Variants in FNDC3B observed in about 807,000 individuals in gnomAD.
FNDC3B encodes fibronectin type III domain containing 3B.
A neutral mutation model predicts 151.5 loss-of-function variants in FNDC3B; 12 were observed. That is an observed-to-expected ratio of 0.08 (90% CI 0.05 to 0.13). The LOEUF (loss-of-function observed/expected upper bound fraction) is 0.13, where lower values mean the gene tolerates loss of function less well. Among genes scored for constraint, FNDC3B ranks in the 10% least tolerant of loss-of-function variants. The pLI, the probability that FNDC3B is intolerant of heterozygous loss-of-function variation, is 1.00. For missense variants in FNDC3B, 1,214 were observed against 1,505.3 expected (o/e 0.81, Z 3.20); for synonymous variants, 528 against 549.0 (o/e 0.96, Z 0.54).
chr3:172,142,220 C>G lies in FNDC3B; in HGVS notation c.187+8674C>G, dbSNP rs531514197. 7.0e-4 allele frequency among the ~76,000 whole-genome samples: 106 copies of G among 152,076 alleles called. 1 individual carries two copies. The highest frequency in any genetic ancestry group is 2.5e-3 in the African/African-American group (102 of 41,482). ...TTATTATGGGTGGGCATTGACCCCC[C>G]CTTCATTTTTTGTTAGCTAATCATT... On this transcript the variant is annotated intron_variant, in intron 3 of 25. Coordinates refer to ENST00000415807, the MANE Select transcript of FNDC3B (RefSeq NM_022763.4).
At chr3:172,115,706 C>T (rs1000098210) in intron 2 of FNDC3B, among the ~76,000 whole-genome samples, 2 of 152,124 alleles carry the variant, frequency 1.3e-5, no homozygotes, top group Admixed American at 6.6e-5. Context: ...CGGTGGCATC[C>T]TAAGGTATGT....
At chr3:172,393,410 A>G (rs1736120727) in intron 25 of FNDC3B, among the ~76,000 whole-genome samples, 1 of 152,214 alleles carries the variant, frequency 6.6e-6, no homozygotes, top group Non-Finnish European at 1.5e-5. Context: ...ATAAATTGCA[A>G]TACAATAATA....
intron 4 of FNDC3B, among the ~76,000 whole-genome samples, chr3:172,240,801 T>C (rs758958093): frequency 1.3e-5 from 2 of 152,212 alleles, no homozygotes; most frequent in African/African-American, 4.8e-5. Flanking sequence ...CCTGTGCTGC[T>C]CCTGGGAACC....
intron 11 of FNDC3B, among the ~76,000 whole-genome samples, chr3:172,314,979 T>C (rs746384363): frequency 1.3e-5 from 2 of 152,270 alleles, no homozygotes; most frequent in Non-Finnish European, 2.9e-5. Context: ...ATACTAGGGT[T>C]AACTGCCTGT....
chr3:172,240,330 G>A (rs1291375956), intron 4 of FNDC3B, among the ~76,000 whole-genome samples: 1 of 152,120 alleles, frequency 6.6e-6, no homozygotes, highest in Non-Finnish European at 1.5e-5. Context: ...TAGTGGAGTG[G>A]TAACATTAAT....
At chr3:172,075,724 AAC>A (rs57920659) in intron 1 of FNDC3B, among the ~76,000 whole-genome samples, 8,961 of 146,774 alleles carry the variant, frequency 0.061, 437 homozygotes, top group African/African-American at 0.14. Flanking sequence ...TAGCCCAGTA[AAC>A]ACACACACAC....
At chr3:172,395,714 A>C (rs776940106) in intron 25 of FNDC3B, among the ~76,000 whole-genome samples, 78 of 152,348 alleles carry the variant, frequency 5.1e-4, no homozygotes, top group Non-Finnish European at 1.1e-3. Context: ...AGATCACATA[A>C]CAAGGCCCTG....
intron 3 of FNDC3B, among the ~76,000 whole-genome samples, chr3:172,207,708 G>A (rs1725505061): frequency 6.6e-6 from 1 of 152,196 alleles, no homozygotes; most frequent in African/African-American, 2.4e-5. Context: ...AGCACTTTGG[G>A]AGGCCTAGGT....
intron 3 of FNDC3B, among the ~76,000 whole-genome samples, chr3:172,153,413 T>A (rs1251929969): frequency 6.6e-6 from 1 of 152,196 alleles, no homozygotes; most frequent in African/African-American, 2.4e-5. Flanking sequence ...CTGTCCTGCA[T>A]GTGCTGCACG....
intron 2 of FNDC3B, among the ~76,000 whole-genome samples, chr3:172,112,856 C>T (rs1435746696): frequency 2.0e-5 from 3 of 152,126 alleles, no homozygotes; most frequent in Non-Finnish European, 2.9e-5. Flanking sequence ...TAAAAGTCTT[C>T]GAAATAAAAT....
intron 10 of FNDC3B, among the ~76,000 whole-genome samples, chr3:172,308,805 C>T (rs572140833): frequency 7.0e-4 from 107 of 152,264 alleles, no homozygotes; most frequent in African/African-American, 2.4e-3. Context: ...TGTTTAATTC[C>T]TTAGAGTATA....
intron 7 of FNDC3B, among the ~76,000 whole-genome samples, chr3:172,286,255 TTC>T (rs756930279): frequency 1.2e-3 from 185 of 152,038 alleles, no homozygotes; most frequent in Middle Eastern, 3.4e-3. Flanking sequence ...ATTCTTTTTT[TTC>T]TCTCTCTTTT....
At chr3:172,279,709 C>T (rs4894414) in intron 6 of FNDC3B, among the ~76,000 whole-genome samples, 28,059 of 152,092 alleles carry the variant, frequency 0.18, 2,692 homozygotes, top group East Asian at 0.32. Flanking sequence ...TGTGATTTTA[C>T]TCATCTTTAA....
In FNDC3B at chr3:172,335,286, T is replaced by C. The variant is rs543172427; in HGVS notation, c.1780+204T>C. 5 of 439,602 alleles carry C rather than the reference T, an allele frequency of 1.1e-5. No individual in the cohort carries two copies. The South Asian group carries it at 1.8e-4, about 16-fold the overall frequency. The allele number at this position is 439,602 out of a possible 1,614,324, so 27.2% of individuals were successfully genotyped here. On this transcript the variant is annotated intron_variant, in intron 15 of 25. Coordinates refer to ENST00000415807, the MANE Select transcript of FNDC3B (RefSeq NM_022763.4). ...CAATTTCATTAAAATGTAATCGTAA[T>C]GGACAATTAAATTTTAGTGGAAATT...
chr3:172,316,761 A>G (rs1300404954), intron 11 of FNDC3B, among the ~76,000 whole-genome samples: 2 of 152,254 alleles, frequency 1.3e-5, no homozygotes, highest in African/African-American at 4.8e-5. Context: ...ATATATATCA[A>G]TGATATGATG....
At chr3:172,380,868 A>G in intron 24 of FNDC3B, 98 bp from the exon 25 acceptor site, 1 of 1,392,634 alleles carries the variant, frequency 7.2e-7, no homozygotes, top group Non-Finnish European at 1.0e-6. Flanking sequence ...CACAGGCACA[A>G]TCTTGCTCTC....
intron 7 of FNDC3B, among the ~76,000 whole-genome samples, chr3:172,287,883 T>C (rs1208695278): frequency 6.6e-6 from 1 of 152,196 alleles, no homozygotes; most frequent in African/African-American, 2.4e-5. Context: ...TGTTGTAAAA[T>C]ATAATAGGGT....
Position 172,135,820 on chromosome 3 carries a change from T to C in FNDC3B, c.187+2274T>C, listed in dbSNP as rs531419504. On this transcript the variant is annotated intron_variant, in intron 3 of 25. Coordinates refer to ENST00000415807, the MANE Select transcript of FNDC3B (RefSeq NM_022763.4). The stretch of plus-strand genomic sequence containing the variant: ...CAGGCAAAAAATAAGAAACCCTTTA[T>C]ATGAGTCCCAGTATGAGTTCGTGAA... Among the ~76,000 whole-genome samples the C allele has an allele frequency of 5.3e-5, 8 of 152,302 alleles. No individual in the cohort carries two copies. In the South Asian group the frequency reaches 1.7e-3, roughly 32 times the overall value.
chr3:172,194,254 T>G (rs1724716069), intron 3 of FNDC3B, among the ~76,000 whole-genome samples: 1 of 152,090 alleles, frequency 6.6e-6, no homozygotes, highest in Non-Finnish European at 1.5e-5. Flanking sequence ...GTGGTTATAC[T>G]GTTGTAGAGT....
Sources: allele counts gnomAD v4.1 joint callset (sites outside exome capture counted in the v4.1 genomes callset), GRCh38; gene constraint gnomAD v4.1.1; transcripts MANE v1.5; gene names NCBI Gene and HGNC (gene_info 2026-07-23, HGNC 2026-07-21).